Variants in METAP1D observed in about 807,000 individuals in gnomAD.
METAP1D encodes methionyl aminopeptidase type 1D, mitochondrial.
Under a neutral mutation model 40.5 loss-of-function variants are expected in METAP1D, and 31 were observed. That is an observed-to-expected ratio of 0.77 (90% CI 0.58 to 1.03). METAP1D has a LOEUF of 1.03. Among genes scored for constraint, METAP1D ranks in the 50% least tolerant of loss-of-function variants. The pLI is 0.00. For missense variants in METAP1D, 411 were observed against 420.7 expected, an observed-to-expected ratio of 0.98 and a Z score of 0.20; for synonymous variants, 151 against 146.4, an observed-to-expected ratio of 1.03 and a Z score of -0.22.
intron 1 of METAP1D, among the ~76,000 whole-genome samples, chr2:172,019,478 G>A (rs1248523484): frequency 6.6e-6 from 1 of 152,034 alleles, no homozygotes; most frequent in African/African-American, 2.4e-5. Context: ...TACTTTGGGA[G>A]GTGGAGGCGG....
At chr2:172,079,690 T>C (rs897476883) in intron 8 of METAP1D, among the ~76,000 whole-genome samples, 4 of 152,222 alleles carry the variant, frequency 2.6e-5, no homozygotes, top group Admixed American at 1.3e-4. Flanking sequence ...TTTCTGACTG[T>C]GGGACTTAAT....
intron 1 of METAP1D, among the ~76,000 whole-genome samples, chr2:172,030,595 C>A (rs1305483700): frequency 6.6e-6 from 1 of 152,208 alleles, no homozygotes; most frequent in Non-Finnish European, 1.5e-5. Flanking sequence ...AAATTCAAAT[C>A]CTTGATTTGC....
At chr2:172,016,295 AAAAAAATATATATAT>A (rs1464703863) in intron 1 of METAP1D, among the ~76,000 whole-genome samples, 3 of 78,608 alleles carry the variant, frequency 3.8e-5, no homozygotes, top group East Asian at 4.7e-4. Flanking sequence ...AAAAAAAAAA[AAAAAAATATATATAT>A]ATATATATAT....
At chr2:172,004,110 A>G (rs1444768507) in intron 1 of METAP1D, among the ~76,000 whole-genome samples, 1 of 152,060 alleles carries the variant, frequency 6.6e-6, no homozygotes, top group Non-Finnish European at 1.5e-5. Flanking sequence ...ACTTAGAAGT[A>G]CTTTTGTTCA....
chr2:172,000,114 A>T (rs1033971006), intron 1 of METAP1D, 105 bp downstream of exon 1: 1 of 999,044 alleles, frequency 1.0e-6, no homozygotes, highest in African/African-American at 1.7e-5. Flanking sequence ...CTCGGCGCAC[A>T]CGACTGTACT....
intron 6 of METAP1D, chr2:172,072,596 CTGT>C (rs1303797307): frequency 6.1e-6 from 1 of 163,868 alleles, no homozygotes; most frequent in Non-Finnish European, 1.5e-5. Flanking sequence ...TTGAGCATTT[CTGT>C]TGTTCTCCCT....
chr2:172,040,243 A>G (rs1689487020), intron 1 of METAP1D, among the ~76,000 whole-genome samples: 1 of 152,256 alleles, frequency 6.6e-6, no homozygotes, highest in Non-Finnish European at 1.5e-5. Context: ...GGCGTGAGCC[A>G]CTGCGCCCGG....
At chr2:172,029,794 G>A in intron 1 of METAP1D, among the ~76,000 whole-genome samples, 1 of 151,980 alleles carries the variant, frequency 6.6e-6, no homozygotes, top group East Asian at 1.9e-4. Context: ...TCACTCTGTT[G>A]CCCAGGCTAG....
chr2:172,009,989 C>T (rs1265809002), intron 1 of METAP1D, among the ~76,000 whole-genome samples: 2 of 152,008 alleles, frequency 1.3e-5, no homozygotes, highest in Non-Finnish European at 2.9e-5. Context: ...GGAAAAGAGT[C>T]TCTAAGATGA....
intron 1 of METAP1D, among the ~76,000 whole-genome samples, chr2:172,032,155 TA>T (rs1689255253): frequency 6.6e-6 from 1 of 152,242 alleles, no homozygotes; most frequent in African/African-American, 2.4e-5. Context: ...TTTCCCCCTT[TA>T]AATTGCAGTC....
Position 172,080,919 on chromosome 2 carries a change from C to G in METAP1D, c.*513C>G, listed in dbSNP as rs1690693231. On this transcript the variant is annotated 3_prime_UTR_variant, in exon 10 of 10. Coordinates refer to ENST00000315796, the MANE Select transcript of METAP1D (RefSeq NM_199227.3). ...CATATTGGCCGGCCCCAAGGATGCT[C>G]GCAGAAGCCAGCCCCCAACCCCAGC... 6.1e-6 allele frequency: 1 copy of G among 163,926 alleles called. No homozygotes were observed. The highest frequency in any genetic ancestry group is 1.3e-5 in the Non-Finnish European group (1 of 74,742). 10.2% of individuals were successfully genotyped at this position (163,926 alleles called of 1,614,324 possible).
chr2:172,057,311 CATT>C lies in METAP1D; in HGVS notation c.41-4182_41-4180del, dbSNP rs61637720. 0.037 allele frequency among the ~76,000 whole-genome samples: 5,673 copies of C among 152,214 alleles called. 618 individuals are homozygous for C. In the East Asian group the frequency reaches 0.45, roughly 12 times the overall value. On this transcript the variant is annotated intron_variant, in intron 1 of 9. Coordinates refer to ENST00000315796, the MANE Select transcript of METAP1D (RefSeq NM_199227.3). ...TTATTACTATTTATATTAGCATTAT[CATT>C]ATTAATAGTAATTATAATACTTTCC...
intron 1 of METAP1D, among the ~76,000 whole-genome samples, chr2:172,012,296 C>T (rs150080883): frequency 2.6e-5 from 4 of 152,322 alleles, no homozygotes; most frequent in African/African-American, 4.8e-5. Flanking sequence ...ACTTTATGCT[C>T]TGTGCATAGC....
intron 1 of METAP1D, among the ~76,000 whole-genome samples, chr2:172,013,188 G>T (rs1688768171): frequency 6.6e-6 from 1 of 152,238 alleles, no homozygotes; most frequent in African/African-American, 2.4e-5. Context: ...TGGCTTGTGT[G>T]TGCGCTCCGG....
At chr2:172,029,669 A>G (rs1325394853) in intron 1 of METAP1D, among the ~76,000 whole-genome samples, 1 of 152,232 alleles carries the variant, frequency 6.6e-6, no homozygotes, top group Non-Finnish European at 1.5e-5. Context: ...TGAAAAAACT[A>G]TAGCCCACAA....
chr2:172,018,529 T>C (rs1442890687), intron 1 of METAP1D, among the ~76,000 whole-genome samples: 1 of 152,162 alleles, frequency 6.6e-6, no homozygotes, highest in Non-Finnish European at 1.5e-5. Context: ...GATCTCATAC[T>C]CTACAAAATG....
intron 1 of METAP1D, among the ~76,000 whole-genome samples, chr2:172,034,432 T>TG (rs1559002661): frequency 6.6e-6 from 1 of 151,564 alleles, no homozygotes. Flanking sequence ...TGTGTGTGTG[T>TG]TATTTCTGGT....
At chr2:172,042,873 G>A (rs114991795) in intron 1 of METAP1D, among the ~76,000 whole-genome samples, 12,426 of 15,322 alleles carry the variant, frequency 0.81, 6,100 homozygotes, top group Non-Finnish European at 0.92. Flanking sequence ...ATATGTGTAT[G>A]TGTGTAAATA....
At chr2:172,036,340 C>T (rs1014218117) in intron 1 of METAP1D, among the ~76,000 whole-genome samples, 24 of 149,438 alleles carry the variant, frequency 1.6e-4, no homozygotes, top group African/African-American at 5.7e-4. Context: ...AAAGAATTTA[C>T]TGTAATTTAT....
Sources: allele counts gnomAD v4.1 joint callset (sites outside exome capture counted in the v4.1 genomes callset), GRCh38; gene constraint gnomAD v4.1.1; transcripts MANE v1.5; gene names NCBI Gene and HGNC (gene_info 2026-07-23, HGNC 2026-07-21).